The following KCNT2 variants were observed in gnomAD, a reference collection of about 807,000 sequenced individuals.
KCNT2 encodes potassium sodium-activated channel subfamily T member 2.
KCNT2 carries 67 observed loss-of-function variants against 153.8 expected under a neutral mutation model. The observed-to-expected ratio is 0.44, with a 90% CI of 0.36 to 0.53. The LOEUF is 0.53. Ranked by LOEUF, KCNT2 falls within the 20% of genes least tolerant of loss-of-function variation. The pLI is 0.00. For synonymous variants in KCNT2, 500 were observed against 458.8 expected (o/e 1.09, Z -1.15); for missense variants, 975 against 1,354.8 (o/e 0.72, Z 4.40).
At chr1:196,607,138 G>C (rs1437611702) in intron 1 of KCNT2, among the ~76,000 whole-genome samples, 3 of 152,164 alleles carry the variant, frequency 2.0e-5, no homozygotes, top group African/African-American at 4.8e-5. Flanking sequence ...CTGAAAAGGT[G>C]AAGAAAAGAA....
intron 13 of KCNT2, among the ~76,000 whole-genome samples, chr1:196,385,536 TA>T (rs1669897705): frequency 6.6e-6 from 1 of 151,882 alleles, no homozygotes; most frequent in African/African-American, 2.4e-5. Context: ...TATAACTCAT[TA>T]AAAAATCGCC....
intron 3 of KCNT2, among the ~76,000 whole-genome samples, chr1:196,486,285 TAAAC>T (rs778100188): frequency 6.6e-6 from 1 of 151,868 alleles, no homozygotes. Flanking sequence ...TTTTAAATAA[TAAAC>T]AAATTTCCCT....
At chr1:196,595,334 ACAAATT>A (rs1663921886) in intron 1 of KCNT2, among the ~76,000 whole-genome samples, 1 of 152,146 alleles carries the variant, frequency 6.6e-6, no homozygotes, top group Admixed American at 6.5e-5. Flanking sequence ...ATGGTGATAG[ACAAATT>A]AAAAAGCTGT....
intron 12 of KCNT2, among the ~76,000 whole-genome samples, chr1:196,409,710 CTG>C (rs1312736816): frequency 6.6e-6 from 1 of 151,520 alleles, no homozygotes; most frequent in Non-Finnish European, 1.5e-5. Flanking sequence ...TTAATGGACA[CTG>C]TTTATTTTGA....
chr1:196,378,109 T>C (rs1669128022), intron 13 of KCNT2, among the ~76,000 whole-genome samples: 1 of 152,096 alleles, frequency 6.6e-6, no homozygotes, highest in South Asian at 2.1e-4. Flanking sequence ...TGAATATGAA[T>C]GGACAAAGGA....
At chr1:196,341,818 T>C (rs185607755) in intron 15 of KCNT2, among the ~76,000 whole-genome samples, 3 of 152,202 alleles carry the variant, frequency 2.0e-5, no homozygotes, top group Admixed American at 2.0e-4. Flanking sequence ...ATGTAAATTC[T>C]TAATGGATTA....
intron 13 of KCNT2, among the ~76,000 whole-genome samples, chr1:196,392,403 TA>T (rs940800557): frequency 2.0e-4 from 31 of 151,460 alleles, no homozygotes; most frequent in Admixed American, 4.0e-4. Context: ...TTCAAAGGCT[TA>T]ATGTTTTATA....
intron 14 of KCNT2, among the ~76,000 whole-genome samples, chr1:196,360,981 C>T (rs1667569657): frequency 6.6e-6 from 1 of 151,856 alleles, no homozygotes; most frequent in Admixed American, 6.6e-5. Flanking sequence ...AATTCATATC[C>T]TACAGAGGAA....
chr1:196,471,415 G>GT (rs938536086), intron 5 of KCNT2, among the ~76,000 whole-genome samples: 19 of 151,466 alleles, frequency 1.3e-4, no homozygotes, highest in South Asian at 2.1e-4. Context: ...GTTATGCCAT[G>GT]TTTTTTTTTA....
chr1:196,596,302 C>G (rs1664077422), intron 1 of KCNT2, among the ~76,000 whole-genome samples: 1 of 152,004 alleles, frequency 6.6e-6, no homozygotes, highest in South Asian at 2.1e-4. Flanking sequence ...CAAGGAATCT[C>G]CACACTGTTT....
intron 1 of KCNT2, among the ~76,000 whole-genome samples, chr1:196,537,252 G>A (rs918155468): frequency 1.3e-4 from 20 of 152,098 alleles, no homozygotes; most frequent in Non-Finnish European, 1.0e-4. Context: ...CACAACATAC[G>A]GTGAGGCTAT....
At position 196,377,946 on chromosome 1, in the gene KCNT2, T is replaced by A. The variant is rs113018560; in HGVS notation, c.1295-4698A>T. Among the ~76,000 whole-genome samples, 1,020 of 152,138 alleles carry A rather than the reference T, an allele frequency of 6.7e-3. 10 individuals are homozygous for A. Among genetic ancestry groups the A allele is most frequent in the African/African-American group, 0.023 (974 of 41,532 alleles). The stretch of plus-strand genomic sequence containing the variant: ...AAGGTATCCACCATTGCAAGAAAGA[T>A]GGTGATATGGACAGGGCAACAAAAT... On this transcript the variant is annotated intron_variant, in intron 13 of 27. Transcript: ENST00000294725.
At chr1:196,277,913 T>G (rs972517135) in intron 25 of KCNT2, among the ~76,000 whole-genome samples, 1 of 152,184 alleles carries the variant, frequency 6.6e-6, no homozygotes, top group Admixed American at 6.6e-5. Context: ...GGTTAATATT[T>G]AATTGATATC....
intron 25 of KCNT2, among the ~76,000 whole-genome samples, chr1:196,271,897 A>C (rs1658095275): frequency 6.6e-6 from 1 of 151,996 alleles, no homozygotes; most frequent in African/African-American, 2.4e-5. Context: ...AGGTGGTATC[A>C]TCCACCCAAA....
intron 1 of KCNT2, among the ~76,000 whole-genome samples, chr1:196,570,562 C>G (rs947553596): frequency 6.6e-6 from 1 of 152,064 alleles, no homozygotes; most frequent in Non-Finnish European, 1.5e-5. Context: ...TCTAATCCTA[C>G]TCAAAGTAGG....
intron 8 of KCNT2, among the ~76,000 whole-genome samples, chr1:196,438,062 T>C (rs1224064676): frequency 6.6e-6 from 1 of 151,704 alleles, no homozygotes; most frequent in African/African-American, 2.4e-5. Flanking sequence ...AATATATTAA[T>C]AATAATATTA....
At chr1:196,243,356 A>C (rs544045529) in intron 26 of KCNT2, among the ~76,000 whole-genome samples, 25 of 152,194 alleles carry the variant, frequency 1.6e-4, no homozygotes, top group Non-Finnish European at 2.1e-4. Flanking sequence ...TATCCACACA[A>C]AAAAAAACAC....
chr1:196,495,634 C>T (rs1680193859), intron 1 of KCNT2, among the ~76,000 whole-genome samples: 1 of 152,074 alleles, frequency 6.6e-6, no homozygotes, highest in East Asian at 1.9e-4. Flanking sequence ...TACTCTTACA[C>T]TAAGTTAGTG....
intron 1 of KCNT2, among the ~76,000 whole-genome samples, chr1:196,536,599 T>C (rs1655604967): frequency 6.6e-6 from 1 of 152,208 alleles, no homozygotes; most frequent in Non-Finnish European, 1.5e-5. Context: ...GCAACTCTGC[T>C]GCTAAGGGGC....
Sources: allele counts gnomAD v4.1 joint callset (sites outside exome capture counted in the v4.1 genomes callset), GRCh38; gene constraint gnomAD v4.1.1; transcripts MANE v1.5; gene names NCBI Gene and HGNC (gene_info 2026-07-23, HGNC 2026-07-21).